UNC80: variants seen among roughly 807,000 people sequenced by gnomAD.
UNC80 encodes protein unc-80 homolog.
Under a neutral mutation model 384.6 loss-of-function variants are expected in UNC80, and 164 were observed. The observed-to-expected ratio is 0.43, with a 90% CI of 0.38 to 0.49. The LOEUF is 0.49. Ranked by LOEUF, UNC80 falls within the 20% of genes least tolerant of loss-of-function variation. UNC80 has a pLI of 0.00. For missense variants in UNC80, 3,330 were observed against 4,143.0 expected (o/e 0.80, Z 5.39); for synonymous variants, 1,486 against 1,527.8 (o/e 0.97, Z 0.64).
intron 33 of UNC80, 125 bp downstream of exon 33, chr2:209,918,788 C>A: frequency 8.8e-7 from 1 of 1,140,616 alleles, no homozygotes; most frequent in Non-Finnish European, 1.2e-6. Flanking sequence ...CACAAAAGAT[C>A]TTTGTCCTTG....
rs576664123 is a variant in UNC80, at chr2:209,932,921, T to G, written c.5995-901T>G. Among the ~76,000 whole-genome samples, 13 of 152,298 alleles carry G rather than the reference T, an allele frequency of 8.5e-5. No individual in the cohort carries two copies. The South Asian group carries it at 2.7e-3, about 32-fold the overall frequency. On this transcript the variant is annotated intron_variant, in intron 38 of 64. Transcript: ENST00000673920. ...ATTAAGGGTGAGGGTTGGCCCTCCT[T>G]AGGGTGTCCAGCATTTAGAACACCA... is the stretch of plus-strand genomic sequence containing the variant.
chr2:209,817,696 T>C (rs2079841088), intron 10 of UNC80, 116 bp from the exon 11 acceptor site: 1 of 1,298,364 alleles, frequency 7.7e-7, no homozygotes, highest in African/African-American at 1.5e-5. Context: ...TGTCTGTGTT[T>C]CACACTTTTC....
intron 54 of UNC80, 96 bp from the exon 55 acceptor site, chr2:209,972,105 A>G: frequency 7.0e-7 from 1 of 1,436,000 alleles, no homozygotes; most frequent in East Asian, 2.6e-5. Flanking sequence ...AGGAGCAGCC[A>G]GCAGGGAGTC....
chr2:209,936,896 T>C lies in UNC80; in HGVS notation c.6326T>C (p.Leu2109Pro), dbSNP rs1338101297. The C allele has an allele frequency of 6.4e-7, 1 of 1,551,130 alleles. No homozygotes were observed. Among genetic ancestry groups the C allele is most frequent in the Middle Eastern group, 1.7e-4 (1 of 6,010 alleles). The change falls in exon 41 of 65, where the codon CTT becomes CCT. Residue 2109 changes from leucine to proline, a missense_variant. By Grantham distance (98) the Leu-to-Pro change is moderately conservative. Coordinates refer to ENST00000673920, the MANE Select transcript of UNC80 (RefSeq NM_001371986.1). Reference sequence around the variant, plus strand: ...GAATCCCAGTCAACACATTATTTTCTTATGGATAAACGATGGAACCTTATC... The same window carrying C: ...GAATCCCAGTCAACACATTATTTTCCTATGGATAAACGATGGAACCTTATC... ...IPESQSTHYF[L>P]MDKRWNLIHY... is the part of the protein sequence containing the mutation.
intron 22 of UNC80, among the ~76,000 whole-genome samples, chr2:209,860,444 G>A (rs2124860271): frequency 6.6e-6 from 1 of 151,974 alleles, no homozygotes; most frequent in South Asian, 2.1e-4. Flanking sequence ...CTTGTAGTTT[G>A]AAGTCAGTCA....
chr2:209,831,347 A>C (rs1399724117), intron 15 of UNC80, 96 bp from the exon 16 acceptor site: 7 of 1,272,376 alleles, frequency 5.5e-6, no homozygotes, highest in African/African-American at 1.5e-5. Context: ...TTCACATAGC[A>C]CTTCACTAAT....
chr2:209,961,912 A>G (rs1047859842), intron 51 of UNC80, among the ~76,000 whole-genome samples: 1 of 152,214 alleles, frequency 6.6e-6, no homozygotes, highest in African/African-American at 2.4e-5. Context: ...ACCCAAAAAT[A>G]CAGGGGAAGC....
chr2:209,865,230 GT>G (rs34718642), intron 22 of UNC80, among the ~76,000 whole-genome samples: 12 of 149,442 alleles, frequency 8.0e-5, no homozygotes, highest in East Asian at 3.9e-4. Flanking sequence ...CGTTTATTAT[GT>G]TTTTTTTTTC....
Position 209,994,172 on chromosome 2 carries a change from C to A in UNC80, c.9616C>A (p.Pro3206Thr). 1 of 1,551,546 alleles carries A rather than the reference C, an allele frequency of 6.4e-7. No individual in the cohort carries two copies. The highest frequency in any genetic ancestry group is 1.2e-5 in the South Asian group (1 of 84,062). ...CCAACTACAGGGCTGTAGCCCAGCC[C>A]CTTCTAGGAAACCAGAAGCAATGGA... ...TGQLQGCSPAPSRKPEAMDEP... is the reference protein window; with the variant it reads ...TGQLQGCSPATSRKPEAMDEP... The change falls in exon 64 of 65, where the codon CCT (proline) becomes ACT (threonine). Residue 3206 changes from proline (P) to threonine (T), a missense_variant. Coordinates refer to ENST00000673920, the MANE Select transcript of UNC80 (RefSeq NM_001371986.1).
At chr2:209,897,227 A>T (rs1004902776) in intron 28 of UNC80, among the ~76,000 whole-genome samples, 1 of 152,294 alleles carries the variant, frequency 6.6e-6, no homozygotes, top group South Asian at 2.1e-4. Flanking sequence ...TACTAAACCT[A>T]TGTATACAGC....
chr2:209,851,870 C>G (rs1444537878), intron 22 of UNC80, among the ~76,000 whole-genome samples: 5 of 152,012 alleles, frequency 3.3e-5, no homozygotes, highest in Admixed American at 6.6e-5. Flanking sequence ...TACTGACTCT[C>G]TTATTAAAAT....
chr2:209,856,636 T>G (rs1222622141), intron 22 of UNC80, among the ~76,000 whole-genome samples: 2 of 152,018 alleles, frequency 1.3e-5, no homozygotes, highest in East Asian at 3.8e-4. Flanking sequence ...CGTGGAAAAA[T>G]AATTATCCTA....
chr2:209,942,855 TAC>T (rs10584249), intron 44 of UNC80, among the ~76,000 whole-genome samples: 128,680 of 145,678 alleles, frequency 0.88, 57,015 homozygotes, highest in East Asian at 0.97. Flanking sequence ...CACTCTTTCC[TAC>T]ACACACACAC....
rs781047374 is a variant in UNC80 at position 209,989,592 on chromosome 2, G to A, written c.9315-2574G>A. On this transcript the variant is annotated intron_variant, in intron 61 of 64. Coordinates refer to ENST00000673920, the MANE Select transcript of UNC80 (RefSeq NM_001371986.1). ...ATTTTGATTACTGCAGTTGTAGTAC[G>A]TAGGGACTATGGTGGGACTGTTTCA... 4.6e-5 allele frequency among the ~76,000 whole-genome samples: 7 copies of A among 152,140 alleles called. No homozygotes were observed. The South Asian group carries it at 1.2e-3, about 27-fold the overall frequency.
In UNC80 at chr2:209,820,592, A is replaced by AGATGGAGGAGGTGGAGGAGGT; in HGVS notation, c.2256_2276dup (p.Asp756_Gly762dup). 1.3e-6 allele frequency: 2 copies of AGATGGAGGAGGTGGAGGAGGT among 1,550,386 alleles called. No individual in the cohort carries two copies. The highest frequency in any genetic ancestry group is 1.7e-6 in the Non-Finnish European group (2 of 1,146,360). ...GTGGAGGAGAAGAAGGAGGAGGTGG[A>AGATGGAGGAGGTGGAGGAGGT]GATGGAGGAGGTGGAGGAGGTGATG... On this transcript the variant is annotated inframe_insertion, in exon 13 of 65. Transcript: ENST00000673920.
intron 7 of UNC80, among the ~76,000 whole-genome samples, chr2:209,807,890 G>C (rs916277079): frequency 6.6e-6 from 1 of 152,180 alleles, no homozygotes; most frequent in Non-Finnish European, 1.5e-5. Flanking sequence ...ACACCTTAAA[G>C]GGAGGTACTT....
chr2:209,772,595 T>C (rs994247256), intron 1 of UNC80, among the ~76,000 whole-genome samples: 1 of 152,128 alleles, frequency 6.6e-6, no homozygotes, highest in South Asian at 2.1e-4. Context: ...ACCGTTTTGC[T>C]CAGATTAATC....
At chr2:209,772,533 C>T (rs1476701769) in intron 1 of UNC80, among the ~76,000 whole-genome samples, 1 of 151,998 alleles carries the variant, frequency 6.6e-6, no homozygotes, top group Non-Finnish European at 1.5e-5. Context: ...GCCCAGTGAC[C>T]TGTTGTTTTT....
At chr2:209,922,146 G>A (rs2090086057) in intron 34 of UNC80, 106 bp from the exon 35 acceptor site, 1 of 1,261,418 alleles carries the variant, frequency 7.9e-7, no homozygotes, top group African/African-American at 1.5e-5. Context: ...AATTATTTAA[G>A]CCTTATGGTC....
Sources: allele counts gnomAD v4.1 joint callset (sites outside exome capture counted in the v4.1 genomes callset), GRCh38; gene constraint gnomAD v4.1.1; transcripts MANE v1.5; gene names NCBI Gene and HGNC (gene_info 2026-07-23, HGNC 2026-07-21).